RYR2: variants seen among roughly 807,000 people sequenced by gnomAD.
The protein encoded by RYR2 is ryanodine receptor 2, also known as cardiac muscle ryanodine receptor-calcium release channel.
Under a neutral mutation model 601.1 loss-of-function variants are expected in RYR2, and 227 were observed. The observed-to-expected ratio is 0.38, with a 90% CI of 0.34 to 0.42. The LOEUF is 0.42. RYR2 is among the 10% of genes least tolerant of loss of function. The probability of loss-of-function intolerance (pLI) is 1.00; values close to 1 mark genes in which losing one functional copy is unlikely to be tolerated. For synonymous variants in RYR2, 2,223 were observed against 2,175.1 expected, an observed-to-expected ratio of 1.02 and a Z score of -0.61; for missense variants, 4,646 against 6,156.5, an observed-to-expected ratio of 0.75 and a Z score of 8.21.
chr1:237,280,793 T>TG (rs898916040), intron 2 of RYR2, among the ~76,000 whole-genome samples: 12 of 151,334 alleles, frequency 7.9e-5, no homozygotes, highest in East Asian at 3.9e-4. Flanking sequence ...TTTTTTTTTT[T>TG]TTGTTTTCTG....
At position 237,204,628 on chromosome 1, in the gene RYR2, G is replaced by A. The variant is rs544436375; in HGVS notation, c.49-65869G>A. ...CACGCCTGGGAAAATGCTCCATTCC[G>A]CATTCCTTAGCTCTGGTTCTGGTTT... On this transcript the variant is annotated intron_variant, in intron 1 of 104. Coordinates refer to ENST00000366574, the MANE Select transcript of RYR2 (RefSeq NM_001035.3). 5.3e-5 allele frequency among the ~76,000 whole-genome samples: 8 copies of A among 152,152 alleles called. No individual in the cohort carries two copies. In the South Asian group the frequency reaches 1.7e-3, roughly 32 times the overall value.
Position 237,389,431 on chromosome 1 carries a change from T to C in RYR2, c.773+1248T>C, listed in dbSNP as rs181883984. On this transcript the variant is annotated intron_variant, in intron 10 of 104. Coordinates refer to ENST00000366574, the MANE Select transcript of RYR2 (RefSeq NM_001035.3). ...GTGGGGATCAGAGTGGAATAGTTAG[T>C]TCTCTTTTAAAATAATAACTCTGTT... 1.4e-3 allele frequency among the ~76,000 whole-genome samples: 210 copies of C among 152,262 alleles called. No individual in the cohort carries two copies. In the Middle Eastern group the frequency reaches 0.017, roughly 12 times the overall value.
chr1:237,425,187 A>C (rs7525969), intron 12 of RYR2, among the ~76,000 whole-genome samples: 78,597 of 151,920 alleles, frequency 0.52, 20,691 homozygotes, highest in East Asian at 0.69. Flanking sequence ...AAATACAAAA[A>C]AAAGTAGGAG....
intron 1 of RYR2, among the ~76,000 whole-genome samples, chr1:237,214,891 A>G (rs904185739): frequency 1.2e-4 from 18 of 152,206 alleles, no homozygotes; most frequent in Non-Finnish European, 1.5e-5. Flanking sequence ...GTATTCTCAT[A>G]GCAAAGGCAT....
chr1:237,228,501 T>C (rs1684638028), intron 1 of RYR2, among the ~76,000 whole-genome samples: 1 of 152,236 alleles, frequency 6.6e-6, no homozygotes, highest in South Asian at 2.1e-4. Context: ...CTTGTTTCTA[T>C]CAATCAGCCT....
intron 73 of RYR2, among the ~76,000 whole-genome samples, chr1:237,720,670 G>C (rs1363010549): frequency 6.6e-6 from 1 of 152,178 alleles, no homozygotes; most frequent in Non-Finnish European, 1.5e-5. Context: ...CCATGAAAGG[G>C]TGCAGGGGAT....
intron 34 of RYR2, among the ~76,000 whole-genome samples, chr1:237,600,536 C>T (rs891176323): frequency 2.0e-5 from 3 of 152,074 alleles, no homozygotes; most frequent in African/African-American, 4.8e-5. Context: ...TGACATTGGA[C>T]TGGGTAAGGA....
At chr1:237,677,567 T>G (rs185417657) in intron 60 of RYR2, among the ~76,000 whole-genome samples, 2 of 152,296 alleles carry the variant, frequency 1.3e-5, no homozygotes, top group African/African-American at 2.4e-5. Flanking sequence ...TTCCTGCAGT[T>G]TTTTAGTTTG....
chr1:237,252,483 T>G (rs1304200278), intron 1 of RYR2, among the ~76,000 whole-genome samples: 2 of 152,334 alleles, frequency 1.3e-5, no homozygotes, highest in African/African-American at 4.8e-5. Flanking sequence ...TATCACGAGC[T>G]GACATTACAT....
intron 1 of RYR2, among the ~76,000 whole-genome samples, chr1:237,260,342 A>G (rs1688392627): frequency 1.3e-5 from 2 of 152,202 alleles, no homozygotes; most frequent in Non-Finnish European, 2.9e-5. Flanking sequence ...AGAGTAAATG[A>G]CACCAGGTGA....
chr1:237,362,382 A>G (rs142205148), intron 4 of RYR2, among the ~76,000 whole-genome samples: 1 of 152,188 alleles, frequency 6.6e-6, no homozygotes, highest in Non-Finnish European at 1.5e-5. Flanking sequence ...TAAATCAAAT[A>G]GTTAATTTAT....
intron 1 of RYR2, among the ~76,000 whole-genome samples, chr1:237,093,203 A>C (rs1558219850): frequency 6.6e-6 from 1 of 152,188 alleles, no homozygotes; most frequent in Non-Finnish European, 1.5e-5. Context: ...CAGTGATTCC[A>C]TAAGATCATC....
rs150341559 is a variant in RYR2, at chr1:237,159,183, C to T, written c.49-111314C>T. On this transcript the variant is annotated intron_variant, in intron 1 of 104. Coordinates refer to ENST00000366574, the MANE Select transcript of RYR2 (RefSeq NM_001035.3). ...GTGCATGCCTGTAATCCCAGCTACT[C>T]GGGAGGCTGAGGCAGGAGAATCTCT... is the stretch of plus-strand genomic sequence containing the variant. Among the ~76,000 whole-genome samples the T allele has an allele frequency of 7.1e-3, 1,085 of 152,038 alleles. 9 individuals are homozygous for T. The highest frequency in any genetic ancestry group is 0.033 in the South Asian group (160 of 4,786).
In RYR2 at chr1:237,550,599, G is replaced by A. The variant is rs773781713; in HGVS notation, c.3122G>A (p.Arg1041Gln). ...GTTCCCTACACTCTTCTGGATGACC[G>A]AACCAAGAAATCCAACAAGGACAGC... ...RLVPYTLLDD[R>Q]TKKSNKDSLR... The change falls in exon 27 of 105, where the codon CGA becomes CAA. Residue 1041 changes from arginine to glutamine, a missense_variant. Arg to Gln is a conservative substitution (Grantham distance 43, BLOSUM62 1). Transcript: ENST00000366574. The A allele has an allele frequency of 9.3e-6, 15 of 1,604,630 alleles. No individual in the cohort carries two copies. The highest frequency in any genetic ancestry group is 2.7e-5 in the African/African-American group (2 of 74,908).
intron 5 of RYR2, among the ~76,000 whole-genome samples, chr1:237,367,367 C>T (rs1376100697): frequency 6.6e-6 from 1 of 151,540 alleles, no homozygotes; most frequent in African/African-American, 2.4e-5. Context: ...TCTGGGATTA[C>T]AAGCGTGAGC....
At chr1:237,082,603 C>T (rs1665865067) in intron 1 of RYR2, among the ~76,000 whole-genome samples, 1 of 144,624 alleles carries the variant, frequency 6.9e-6, no homozygotes, top group South Asian at 2.2e-4. Context: ...TATAGCCGCC[C>T]CTCCTGCAGT....
intron 1 of RYR2, among the ~76,000 whole-genome samples, chr1:237,126,237 A>G (rs1671403429): frequency 3.8e-5 from 1 of 26,566 alleles, no homozygotes; most frequent in Admixed American, 4.8e-4. Flanking sequence ...ACTCTGTCTC[A>G]AAAAAAAAAA....
intron 96 of RYR2, among the ~76,000 whole-genome samples, chr1:237,795,754 T>C (rs1447785830): frequency 1.3e-5 from 2 of 151,168 alleles, no homozygotes; most frequent in African/African-American, 4.9e-5. Flanking sequence ...TCCGGCCAAA[T>C]ATGAATTTCA....
At chr1:237,669,332 C>T (rs569237069) in intron 58 of RYR2, among the ~76,000 whole-genome samples, 67 of 152,314 alleles carry the variant, frequency 4.4e-4, no homozygotes, top group Non-Finnish European at 8.1e-4. Context: ...CACCTTTCCC[C>T]CCTCTCTATT....
Sources: allele counts gnomAD v4.1 joint callset (sites outside exome capture counted in the v4.1 genomes callset), GRCh38; gene constraint gnomAD v4.1.1; transcripts MANE v1.5; gene names NCBI Gene and HGNC (gene_info 2026-07-23, HGNC 2026-07-21).